Variants in TEX11 observed in about 807,000 individuals in gnomAD.
TEX11 encodes testis-expressed protein 11.
A neutral mutation model predicts 84.4 loss-of-function variants in TEX11; 7 were observed. The observed-to-expected ratio is 0.08, with a 90% CI of 0.05 to 0.16. The LOEUF (loss-of-function observed/expected upper bound fraction) is 0.16, where lower values mean the gene tolerates loss of function less well. TEX11 is among the 10% of genes least tolerant of loss of function. The pLI is 1.00. For missense variants in TEX11, 551 were observed against 660.5 expected (o/e 0.83, Z 1.82); for synonymous variants, 264 against 222.8 (o/e 1.18, Z -1.64).
the TEX11 span, among the ~76,000 whole-genome samples, chrX:70,512,063 C>T: frequency 9.3e-6 from 1 of 107,196 alleles, no homozygotes; most frequent in South Asian, 4.1e-4. Flanking sequence ...CACTATTCCC[C>T]TTTAAGGACT....
At chrX:70,694,496 T>C in intron 13 of TEX11, among the ~76,000 whole-genome samples, 1 of 111,710 alleles carries the variant, frequency 9.0e-6, no homozygotes, top group Non-Finnish European at 1.9e-5. Context: ...ATTATAAAAG[T>C]GCAAATTAAA....
intron 9 of TEX11, among the ~76,000 whole-genome samples, chrX:70,782,141 C>T (rs1047706826): frequency 3.6e-5 from 4 of 111,679 alleles, no homozygotes; most frequent in Admixed American, 9.5e-5. Context: ...CCTATAAGCC[C>T]GAAGAGAATG....
intron 25 of TEX11, among the ~76,000 whole-genome samples, chrX:70,579,876 G>C (rs939383600): frequency 8.9e-6 from 1 of 112,103 alleles, no homozygotes; most frequent in Non-Finnish European, 1.9e-5. Context: ...GGAAAAAAGG[G>C]AACCCTTGTA....
intron 11 of TEX11, among the ~76,000 whole-genome samples, chrX:70,734,861 T>C (rs1399925283): frequency 9.0e-6 from 1 of 111,511 alleles, no homozygotes; most frequent in Non-Finnish European, 1.9e-5. Flanking sequence ...GCATCTATAC[T>C]AAACCCACAG....
chrX:70,529,223 GA>G, intron 29 of TEX11, 36 bp from the exon 30 acceptor site: 1 of 1,101,550 alleles, frequency 9.1e-7, no homozygotes, highest in African/African-American at 1.8e-5. Flanking sequence ...TTCTTGAGGG[GA>G]AAAAGAAATG....
chrX:70,710,128 A>C (rs1229725208), intron 13 of TEX11, among the ~76,000 whole-genome samples: 1 of 111,388 alleles, frequency 9.0e-6, no homozygotes, highest in Non-Finnish European at 1.9e-5. Context: ...AGCATCAAAA[A>C]AAAAGGGGGG....
intron 8 of TEX11, among the ~76,000 whole-genome samples, chrX:70,832,125 A>C (rs191556445): frequency 2.3e-3 from 261 of 111,681 alleles, no homozygotes; most frequent in Admixed American, 4.0e-3. Context: ...CATGAGTAGA[A>C]CATAGAATTT....
intron 17 of TEX11, among the ~76,000 whole-genome samples, chrX:70,640,350 A>T (rs1251140935): frequency 2.9e-5 from 3 of 104,304 alleles, no homozygotes; most frequent in African/African-American, 1.0e-4. Context: ...ACTCTGCAGG[A>T]TATTATCCAG....
At chrX:70,744,901 A>G (rs1326700529) in intron 9 of TEX11, among the ~76,000 whole-genome samples, 1 of 100,665 alleles carries the variant, frequency 9.9e-6, no homozygotes, top group East Asian at 3.1e-4. Flanking sequence ...TTGTATTTTT[A>G]GTAGAGATAG....
At chrX:70,752,787 A>C (rs1302067944) in intron 9 of TEX11, among the ~76,000 whole-genome samples, 1 of 110,276 alleles carries the variant, frequency 9.1e-6, no homozygotes, top group Non-Finnish European at 1.9e-5. Flanking sequence ...TTAACTTCAT[A>C]TTGCTAAAAG....
chrX:70,839,428 C>A (rs1052421956), intron 7 of TEX11, among the ~76,000 whole-genome samples: 112 of 111,934 alleles, frequency 1.0e-3, no homozygotes, highest in African/African-American at 3.4e-3. Flanking sequence ...CAGCTGAGGG[C>A]CCTGTCTGTT....
At chrX:70,803,760 A>G (rs1191535129) in intron 9 of TEX11, among the ~76,000 whole-genome samples, 2 of 111,772 alleles carry the variant, frequency 1.8e-5, no homozygotes, top group African/African-American at 6.5e-5. Flanking sequence ...ATTTACAGAA[A>G]ACGGTGCTTA....
At chrX:70,855,303 G>A (rs1368897709) in intron 5 of TEX11, among the ~76,000 whole-genome samples, 1 of 110,633 alleles carries the variant, frequency 9.0e-6, no homozygotes, top group African/African-American at 3.3e-5. Context: ...GGTGGCTCAC[G>A]CCTGTAACCC....
chrX:70,894,082 T>G (rs749349335), intron 2 of TEX11, among the ~76,000 whole-genome samples: 3 of 111,252 alleles, frequency 2.7e-5, no homozygotes, highest in Non-Finnish European at 5.7e-5. Flanking sequence ...CAGTAATTAA[T>G]AGCCTAGCAA....
intron 28 of TEX11, among the ~76,000 whole-genome samples, chrX:70,533,509 C>T (rs2087915586): frequency 9.0e-6 from 1 of 111,043 alleles, no homozygotes; most frequent in Non-Finnish European, 1.9e-5. Flanking sequence ...GGGAAAAGAA[C>T]GCAGAGGAGT....
downstream of TEX11, among the ~76,000 whole-genome samples, chrX:70,527,467 A>G (rs757583297): frequency 1.2e-4 from 13 of 112,071 alleles, no homozygotes; most frequent in South Asian, 3.7e-4. Context: ...GGTGCATGGT[A>G]CAAAGTAATT....
downstream of TEX11, among the ~76,000 whole-genome samples, chrX:70,526,217 T>A (rs982282065): frequency 9.0e-6 from 1 of 110,650 alleles, no homozygotes; most frequent in Admixed American, 9.6e-5. Context: ...GTTGAAAGAG[T>A]TACAAATAGG....
At chrX:70,762,831 C>G (rs994156076) in intron 9 of TEX11, among the ~76,000 whole-genome samples, 1 of 110,312 alleles carries the variant, frequency 9.1e-6, no homozygotes, top group Non-Finnish European at 1.9e-5. Context: ...CTCAGGAGTC[C>G]GAGACCAGCC....
At chrX:70,587,254 C>T in intron 25 of TEX11, among the ~76,000 whole-genome samples, 1 of 112,317 alleles carries the variant, frequency 8.9e-6, no homozygotes, top group Non-Finnish European at 1.9e-5. Context: ...ATGTTAATCA[C>T]AAAGACAATA....
Sources: gnomAD v4.1 joint callset for allele counts (sites outside exome capture counted in the v4.1 genomes callset) on GRCh38, gnomAD v4.1.1 for gene constraint, MANE v1.5 for transcripts, NCBI Gene and HGNC (gene_info 2026-07-23, HGNC 2026-07-21) for gene names.